FBXO16: variants seen among roughly 807,000 people sequenced by gnomAD.
FBXO16 encodes F-box only protein 16.
FBXO16 carries 31 observed loss-of-function variants against 41.0 expected under a neutral mutation model. That is an observed-to-expected ratio of 0.76 (90% CI 0.57 to 1.02). The LOEUF is 1.02. FBXO16 is among the 50% of genes least tolerant of loss of function. The probability of loss-of-function intolerance (pLI) is 0.00; values close to 1 mark genes in which losing one functional copy is unlikely to be tolerated. For missense variants in FBXO16, 361 were observed against 346.2 expected, an observed-to-expected ratio of 1.04 and a Z score of -0.34; for synonymous variants, 133 against 117.8, an observed-to-expected ratio of 1.13 and a Z score of -0.84.
intron 4 of FBXO16, among the ~76,000 whole-genome samples, chr8:28,461,893 A>T (rs577079986): frequency 2.0e-5 from 3 of 151,038 alleles, no homozygotes; most frequent in Non-Finnish European, 3.0e-5. Flanking sequence ...TCCTACTGAA[A>T]TTTTTTTTTC....
intron 8 of FBXO16, 32 bp from the exon 9 acceptor site, chr8:28,428,768 G>A: frequency 2.0e-6 from 3 of 1,477,596 alleles, no homozygotes; most frequent in Non-Finnish European, 2.7e-6. Flanking sequence ...TGAAAGCGAG[G>A]GTTATTGAAA....
chr8:28,457,924 T>C (rs1803062850), intron 4 of FBXO16, among the ~76,000 whole-genome samples: 1 of 152,222 alleles, frequency 6.6e-6, no homozygotes, highest in Non-Finnish European at 1.5e-5. Context: ...GGCCCTACTA[T>C]GTGTAGCAAT....
rs73668485 is a variant in FBXO16, at chr8:28,473,732, A to G, written c.135+40T>C. ...AGCAGCCTGAAAGATGAAAACAGAT[A>G]ACATAACATAATGCAAAAATAGTAT... On this transcript the variant is annotated intron_variant, in intron 3 of 8. Coordinates refer to ENST00000380254, the MANE Select transcript of FBXO16 (RefSeq NM_172366.4). 2,608 of 1,545,702 alleles carry G rather than the reference A, an allele frequency of 1.7e-3. 34 individuals are homozygous for G. In the African/African-American group the frequency reaches 0.031, roughly 18 times the overall value.
Position 28,452,293 on chromosome 8 carries a change from G to A in FBXO16, c.691C>T (p.Arg231Cys), listed in dbSNP as rs367952507. Reference sequence around the variant, plus strand: ...TCACGGTTGTCTAGGTAATTAAAACGAATGATATCTGTTGGGTGCTTATCA... The same window carrying A: ...TCACGGTTGTCTAGGTAATTAAAACAAATGATATCTGTTGGGTGCTTATCA... ...SSDKHPTDII[R>C]FNYLDNRDPM... The change falls in exon 6 of 9, where the codon CGT (arginine) becomes TGT (cysteine). Residue 231 changes from arginine (R) to cysteine (C), a missense_variant. Physicochemically the swap from Arg to Cys is radical, Grantham distance 180. Coordinates refer to ENST00000380254, the MANE Select transcript of FBXO16 (RefSeq NM_172366.4). The A allele has an allele frequency of 6.8e-6, 11 of 1,614,072 alleles. No homozygotes were observed. Among genetic ancestry groups the A allele is most frequent in the Admixed American group, 3.3e-5 (2 of 59,994 alleles).
chr8:28,460,571 C>T (rs1181226577), intron 4 of FBXO16, among the ~76,000 whole-genome samples: 2 of 151,352 alleles, frequency 1.3e-5, no homozygotes, highest in African/African-American at 2.4e-5. Flanking sequence ...ATTACAGGTA[C>T]ACACCACCAC....
intron 4 of FBXO16, among the ~76,000 whole-genome samples, chr8:28,459,957 C>T (rs941107029): frequency 2.6e-5 from 4 of 151,524 alleles, no homozygotes; most frequent in Admixed American, 1.3e-4. Context: ...ACCCGGGAGG[C>T]GGAGGTTGCA....
chr8:28,488,956 T>C (rs1012107063), intron 1 of FBXO16, among the ~76,000 whole-genome samples: 54 of 151,850 alleles, frequency 3.6e-4, no homozygotes, highest in African/African-American at 1.3e-3. Context: ...TCTTGGCTTA[T>C]GTGGTTTTCT....
At position 28,447,262 on chromosome 8, in the gene FBXO16, C is replaced by T; in HGVS notation, c.752G>A (p.Arg251Lys). 3.7e-6 allele frequency: 6 copies of T among 1,611,936 alleles called. 1 individual carries two copies. Among genetic ancestry groups the T allele is most frequent in the Middle Eastern group, 3.3e-4 (2 of 6,060 alleles). The change falls in exon 7 of 9, where the codon AGA becomes AAA. Residue 251 changes from arginine (R) to lysine (K), a missense_variant. Physicochemically the swap from Arg to Lys is conservative, Grantham distance 26. Transcript: ENST00000380254. ...GCTGAAGTCTGGGGTCATTTGGTTTCTTTTTCTTCTTCTGTAAATTGGAAA... is the reference window on the plus strand; with the variant it reads ...GCTGAAGTCTGGGGTCATTTGGTTTTTTTTTCTTCTTCTGTAAATTGGAAA... The part of the protein sequence containing the change: ...METVQQGRRK[R>K]NQMTPDFSRQ...
rs764144544 is a variant in FBXO16, at chr8:28,447,290, A to G, written c.741-17T>C. On this transcript the variant is annotated splice_polypyrimidine_tract_variant and intron_variant, in intron 6 of 8. Coordinates refer to ENST00000380254, the MANE Select transcript of FBXO16 (RefSeq NM_172366.4). ...TTTCTTCTTCTGTAAATTGGAAAGCAGTGGGAAAATTACAAAGTATCTTTT... is the reference window on the plus strand; with the variant it reads ...TTTCTTCTTCTGTAAATTGGAAAGCGGTGGGAAAATTACAAAGTATCTTTT... The G allele has an allele frequency of 6.3e-7, 1 of 1,599,306 alleles. No homozygotes were observed.
intron 7 of FBXO16, among the ~76,000 whole-genome samples, chr8:28,441,751 A>AAAG: frequency 7.2e-6 from 1 of 139,494 alleles, no homozygotes; most frequent in South Asian, 2.5e-4. Flanking sequence ...AAAAAAAAAA[A>AAAG]CTAAAAAAAA....
intron 7 of FBXO16, among the ~76,000 whole-genome samples, chr8:28,434,444 G>A (rs898431270): frequency 6.6e-6 from 1 of 152,176 alleles, no homozygotes; most frequent in African/African-American, 2.4e-5. Flanking sequence ...CCTGCTTTGT[G>A]CCAGTCCTTC....
intron 3 of FBXO16, among the ~76,000 whole-genome samples, chr8:28,472,713 C>A (rs1449307631): frequency 6.6e-6 from 1 of 152,138 alleles, no homozygotes; most frequent in Admixed American, 6.6e-5. Flanking sequence ...CCATTACACT[C>A]CAGCCTGGGC....
intron 1 of FBXO16, among the ~76,000 whole-genome samples, chr8:28,486,877 T>C (rs996073185): frequency 2.0e-5 from 3 of 152,072 alleles, no homozygotes; most frequent in African/African-American, 7.2e-5. Context: ...TTCGTTGTTC[T>C]GAATCCTTTC....
chr8:28,486,180 T>A (rs753468547), intron 1 of FBXO16, among the ~76,000 whole-genome samples: 55 of 151,702 alleles, frequency 3.6e-4, no homozygotes, highest in African/African-American at 1.2e-3. Context: ...AAGTGATATA[T>A]CTGTTTTTGT....
At position 28,483,379 on chromosome 8, in the gene FBXO16, G is replaced by A; in HGVS notation, c.68C>T (p.Thr23Ile). Residue 23 changes from threonine to isoleucine, a missense_variant, in exon 2 of 9, where the codon ACA becomes ATA. Coordinates refer to ENST00000380254, the MANE Select transcript of FBXO16 (RefSeq NM_172366.4). Reference protein sequence around the residue: ...PKMQTKMSTWTPLNHQLLNDR... With the variant: ...PKMQTKMSTWIPLNHQLLNDR... ...ATTCAATAGCTGATGGTTTAGGGGT[G>A]TCCAGGTGCTCATCTTTGTCTGCAT... 6 of 1,614,128 alleles carry A rather than the reference G, an allele frequency of 3.7e-6. No individual in the cohort carries two copies. Among genetic ancestry groups the A allele is most frequent in the Non-Finnish European group, 5.1e-6 (6 of 1,180,010 alleles).
chr8:28,464,434 A>G (rs1803198723), intron 3 of FBXO16, among the ~76,000 whole-genome samples: 1 of 152,200 alleles, frequency 6.6e-6, no homozygotes, highest in South Asian at 2.1e-4. Context: ...TACCCTGAAC[A>G]ACACCCAAGA....
At chr8:28,463,434 G>C (rs2130156787) in intron 4 of FBXO16, among the ~76,000 whole-genome samples, 178 bp downstream of exon 4, 1 of 151,332 alleles carries the variant, frequency 6.6e-6, no homozygotes, top group Middle Eastern at 3.4e-3. Flanking sequence ...GTGTGTATAT[G>C]TGTATGTGTG....
At chr8:28,440,131 A>G (rs1802746890) in intron 7 of FBXO16, among the ~76,000 whole-genome samples, 1 of 151,668 alleles carries the variant, frequency 6.6e-6, no homozygotes, top group South Asian at 2.1e-4. Flanking sequence ...TATTTATTTA[A>G]GTGCTCTGTC....
intron 7 of FBXO16, among the ~76,000 whole-genome samples, chr8:28,434,079 G>A (rs1284148889): frequency 6.6e-6 from 1 of 151,048 alleles, no homozygotes; most frequent in Non-Finnish European, 1.5e-5. Context: ...TTCTGCCTCA[G>A]CCTACTGAGT....
Sources: gnomAD v4.1 joint callset for allele counts (sites outside exome capture counted in the v4.1 genomes callset) on GRCh38, gnomAD v4.1.1 for gene constraint, MANE v1.5 for transcripts, NCBI Gene and HGNC (gene_info 2026-07-23, HGNC 2026-07-21) for gene names.